The following RCSD1 variants were observed in gnomAD, a reference collection of about 807,000 sequenced individuals.
RCSD1 encodes capZ-interacting protein.
Under a neutral mutation model 42.5 loss-of-function variants are expected in RCSD1, and 26 were observed. The observed-to-expected ratio is 0.61, with a 90% CI of 0.45 to 0.85. The LOEUF is 0.85. RCSD1 is among the 40% of genes least tolerant of loss of function. The pLI, the probability that RCSD1 is intolerant of heterozygous loss-of-function variation, is 0.00. For synonymous variants in RCSD1, 220 were observed against 212.2 expected (o/e 1.04, Z -0.32); for missense variants, 571 against 528.3 (o/e 1.08, Z -0.79).
At chr1:167,646,139 A>T (rs1006803939) in intron 1 of RCSD1, among the ~76,000 whole-genome samples, 2 of 152,196 alleles carry the variant, frequency 1.3e-5, no homozygotes, top group Non-Finnish European at 2.9e-5. Context: ...TGTGTTTTCC[A>T]TCTAGGAGCA....
At chr1:167,699,028 G>C (rs2101723249) in intron 6 of RCSD1, among the ~76,000 whole-genome samples, 1 of 152,200 alleles carries the variant, frequency 6.6e-6, no homozygotes, top group East Asian at 1.9e-4. Context: ...TCGATCTCCT[G>C]ACCTCATGAT....
At chr1:167,691,986 G>T (rs1213670457) in intron 4 of RCSD1, among the ~76,000 whole-genome samples, 1 of 152,138 alleles carries the variant, frequency 6.6e-6, no homozygotes, top group Non-Finnish European at 1.5e-5. Flanking sequence ...GCCCACCCTA[G>T]CCCTCATTCA....
At chr1:167,703,055 G>A (rs1347550944) in intron 6 of RCSD1, among the ~76,000 whole-genome samples, 1 of 152,158 alleles carries the variant, frequency 6.6e-6, no homozygotes, top group Non-Finnish European at 1.5e-5. Flanking sequence ...TCCCTGAGCT[G>A]ATGAAATACA....
intron 6 of RCSD1, among the ~76,000 whole-genome samples, chr1:167,701,252 G>GTTTGTTTGTTTGTTTCTTTCTTTC (rs1276194168): frequency 1.0e-5 from 1 of 96,074 alleles, no homozygotes; most frequent in Admixed American, 1.2e-4. Flanking sequence ...CAATTGCCTA[G>GTTTGTTTGTTTGTTTCTTTCTTTC]TTTCTTTCTT....
At chr1:167,670,163 T>C (rs150196735) in intron 1 of RCSD1, among the ~76,000 whole-genome samples, 1 of 152,254 alleles carries the variant, frequency 6.6e-6, no homozygotes, top group East Asian at 1.9e-4. Flanking sequence ...AGAGGAGCTC[T>C]CTGTGAAGTC....
At chr1:167,644,192 T>C (rs1403075322) in intron 1 of RCSD1, among the ~76,000 whole-genome samples, 2 of 152,058 alleles carry the variant, frequency 1.3e-5, no homozygotes, top group East Asian at 3.9e-4. Context: ...TCAAGAAATA[T>C]GTTTTGGCTG....
intron 1 of RCSD1, among the ~76,000 whole-genome samples, chr1:167,677,653 A>G (rs953380120): frequency 1.3e-5 from 2 of 152,230 alleles, no homozygotes; most frequent in Non-Finnish European, 2.9e-5. Flanking sequence ...AGTAGAGGAA[A>G]CAGTCCACCT....
chr1:167,662,501 G>A (rs527899930), intron 1 of RCSD1, among the ~76,000 whole-genome samples: 16 of 151,906 alleles, frequency 1.1e-4, no homozygotes, highest in Non-Finnish European at 2.2e-4. Context: ...TGATCATCTT[G>A]GTCACTGTTC....
At chr1:167,693,007 A>G (rs1053241057) in intron 4 of RCSD1, among the ~76,000 whole-genome samples, 1 of 152,218 alleles carries the variant, frequency 6.6e-6, no homozygotes, top group Non-Finnish European at 1.5e-5. Flanking sequence ...ACAGACAAAG[A>G]ATCTGAGATT....
In RCSD1 at chr1:167,708,488, C is replaced by G. The variant is rs1402142314; in HGVS notation, c.*3792C>G. Among the ~76,000 whole-genome samples the G allele has an allele frequency of 6.6e-6, 1 of 152,160 alleles. No homozygotes were observed. The highest frequency in any genetic ancestry group is 1.5e-5 in the Non-Finnish European group (1 of 68,030). On this transcript the variant is annotated 3_prime_UTR_variant, in exon 7 of 7. Coordinates refer to ENST00000367854, the MANE Select transcript of RCSD1 (RefSeq NM_052862.4). ...GTGGTTTATGAAGATGTCAAGAGCA[C>G]TGAACAAAATCCAAATGCTCACATA...
Position 167,684,939 on chromosome 1 carries a change from G to A in RCSD1, c.109-482G>A, listed in dbSNP as rs1351133895. On this transcript the variant is annotated intron_variant, in intron 2 of 6. Coordinates refer to ENST00000367854, the MANE Select transcript of RCSD1 (RefSeq NM_052862.4). ...GCCCCAAGGTGGAGAGAAATCTATC[G>A]TGGCCCCTTGGGGCAAGTGAGTACT... Among the ~76,000 whole-genome samples, 3 of 152,192 alleles carry A rather than the reference G, an allele frequency of 2.0e-5. No individual in the cohort carries two copies. The East Asian group carries it at 5.8e-4, about 29-fold the overall frequency.
At chr1:167,664,034 A>G (rs1170261078) in intron 1 of RCSD1, 1 of 152,368 alleles carries the variant, frequency 6.6e-6, no homozygotes, top group South Asian at 2.1e-4. Flanking sequence ...CAAGGTCTGG[A>G]TGTGAACCCA....
chr1:167,663,394 A>C (rs149626894), intron 1 of RCSD1: 2 of 142,300 alleles, frequency 1.4e-5, no homozygotes, highest in African/African-American at 5.1e-5. Context: ...CCTTCATACC[A>C]TACGCCTGGG....
rs1239017303 is a variant in RCSD1, at chr1:167,652,016, A to ATGT, written c.6+21588_6+21589insGTT. Among the ~76,000 whole-genome samples the ATGT allele has an allele frequency of 6.9e-3, 653 of 94,738 alleles. 3 individuals are homozygous for ATGT. The highest frequency in any genetic ancestry group is 0.026 in the African/African-American group (615 of 23,550). 62.2% of individuals were successfully genotyped at this position (94,738 alleles called of 152,430 possible). A position where few individuals can be genotyped will look rare whatever the true frequency, so the allele number is the denominator to read the frequency against. ...CCAGCCCAGGCTCCTGCCTCTGTTC[A>ATGT]TCTTTTTTTTTTTTTTTTTTTTTGA... On this transcript the variant is annotated intron_variant, in intron 1 of 6. Coordinates refer to ENST00000367854, the MANE Select transcript of RCSD1 (RefSeq NM_052862.4).
intron 1 of RCSD1, among the ~76,000 whole-genome samples, chr1:167,642,468 G>T (rs1408356121): frequency 6.6e-6 from 1 of 152,198 alleles, no homozygotes; most frequent in African/African-American, 2.4e-5. Context: ...CATGCTTTGG[G>T]GGTGATTGAG....
chr1:167,642,042 G>T (rs997202584), intron 1 of RCSD1: 3 of 152,186 alleles, frequency 2.0e-5, no homozygotes, highest in African/African-American at 7.2e-5. Flanking sequence ...TTTGCTTGTT[G>T]TCATGGCAGA....
chr1:167,653,307 T>A (rs1189235593), intron 1 of RCSD1, among the ~76,000 whole-genome samples: 1 of 152,254 alleles, frequency 6.6e-6, no homozygotes. Flanking sequence ...AAACATGTTG[T>A]GTAATTTTCC....
At chr1:167,682,836 A>G (rs527822000) in intron 1 of RCSD1, among the ~76,000 whole-genome samples, 20 of 152,222 alleles carry the variant, frequency 1.3e-4, no homozygotes, top group African/African-American at 4.8e-4. Context: ...TTCAGACTAG[A>G]CGTGAGGAGG....
chr1:167,685,069 A>G (rs1659193859), intron 2 of RCSD1, among the ~76,000 whole-genome samples: 1 of 152,224 alleles, frequency 6.6e-6, no homozygotes, highest in South Asian at 2.1e-4. Context: ...TAAAGGATAA[A>G]GAAGATAGCA....
Sources: gnomAD v4.1 joint callset for allele counts (sites outside exome capture counted in the v4.1 genomes callset) on GRCh38, gnomAD v4.1.1 for gene constraint, MANE v1.5 for transcripts, NCBI Gene and HGNC (gene_info 2026-07-23, HGNC 2026-07-21) for gene names.